The following GLIS3 variants were observed in gnomAD, a reference collection of about 807,000 sequenced individuals.
GLIS3 encodes GLIS family zinc finger 3.
A neutral mutation model predicts 78.6 loss-of-function variants in GLIS3; 53 were observed. The observed-to-expected ratio is 0.67, with a 90% confidence interval of 0.54 to 0.85. The LOEUF (loss-of-function observed/expected upper bound fraction) is 0.85. Ranked by LOEUF, GLIS3 falls within the 40% of genes least tolerant of loss-of-function variation. The pLI, the probability that GLIS3 is intolerant of heterozygous loss-of-function variation, is 0.00. For missense variants in GLIS3, 1,703 were observed against 1,231.1 expected (o/e 1.38, Z -5.74); for synonymous variants, 684 against 509.9 (o/e 1.34, Z -4.60).
chr9:3,953,858 C>T (rs1227913140), intron 4 of GLIS3, among the ~76,000 whole-genome samples: 4 of 145,796 alleles, frequency 2.7e-5, no homozygotes, highest in Non-Finnish European at 6.1e-5. Flanking sequence ...CACAGTCACA[C>T]ACACAAACAC....
intron 4 of GLIS3, among the ~76,000 whole-genome samples, chr9:3,952,744 A>G (rs1357910429): frequency 1.3e-5 from 2 of 152,204 alleles, no homozygotes; most frequent in African/African-American, 4.8e-5. Context: ...ATGGTATCCT[A>G]GCACAGTGCT....
chr9:4,106,984 T>G (rs1237527816), intron 4 of GLIS3, among the ~76,000 whole-genome samples: 1 of 152,038 alleles, frequency 6.6e-6, no homozygotes, highest in Non-Finnish European at 1.5e-5. Flanking sequence ...CAGTGGTGAT[T>G]GTATGGCAAT....
chr9:4,314,076 C>T (rs536620035), intron 2 of GLIS3, among the ~76,000 whole-genome samples: 35 of 152,254 alleles, frequency 2.3e-4, no homozygotes, highest in South Asian at 1.2e-3. Context: ...TGGTGTGACC[C>T]GGGGCAAGTA....
intron 4 of GLIS3, among the ~76,000 whole-genome samples, chr9:4,073,486 C>T (rs1339223410): frequency 6.6e-6 from 1 of 152,168 alleles, no homozygotes; most frequent in Non-Finnish European, 1.5e-5. Context: ...TGCATCTCCA[C>T]GCCCAGGCTT....
the GLIS3 span, among the ~76,000 whole-genome samples, chr9:4,395,043 A>G: frequency 6.6e-6 from 1 of 152,188 alleles, no homozygotes; most frequent in Non-Finnish European, 1.5e-5. Flanking sequence ...GAGTATCTAT[A>G]ATGGTGTACA....
chr9:3,843,188 C>G (rs1302410862), intron 9 of GLIS3, among the ~76,000 whole-genome samples: 1 of 152,226 alleles, frequency 6.6e-6, no homozygotes, highest in Non-Finnish European at 1.5e-5. Flanking sequence ...CACATTACAT[C>G]CGCTTTACTA....
chr9:4,276,660 G>C (rs922679399), intron 2 of GLIS3, among the ~76,000 whole-genome samples: 3 of 152,134 alleles, frequency 2.0e-5, no homozygotes, highest in African/African-American at 7.2e-5. Flanking sequence ...GGTACTAATG[G>C]AATAGATTCT....
intron 4 of GLIS3, among the ~76,000 whole-genome samples, chr9:3,980,928 T>C (rs1288264506): frequency 6.6e-6 from 1 of 152,184 alleles, no homozygotes; most frequent in Non-Finnish European, 1.5e-5. Context: ...CGTTCTGTAT[T>C]TACTACACGG....
chr9:4,486,944 T>C, the GLIS3 span, among the ~76,000 whole-genome samples: 1 of 152,208 alleles, frequency 6.6e-6, no homozygotes, highest in African/African-American at 2.4e-5. Context: ...GTGATACTTC[T>C]GCCTCAGCCT....
chr9:3,957,416 A>T (rs891417208), intron 4 of GLIS3, among the ~76,000 whole-genome samples: 5 of 152,222 alleles, frequency 3.3e-5, no homozygotes, highest in Non-Finnish European at 7.3e-5. Flanking sequence ...GAAGGCACTG[A>T]GCCTGCGTGT....
chr9:4,070,378 AAAG>A (rs1483999836), intron 4 of GLIS3, among the ~76,000 whole-genome samples: 1 of 152,202 alleles, frequency 6.6e-6, no homozygotes, highest in Non-Finnish European at 1.5e-5. Context: ...TTTGTTTGTT[AAAG>A]AAGGTCTCTC....
rs188544278 is a variant in GLIS3 at position 4,062,883 on chromosome 9, C to T, written c.1710+54885G>A. Among the ~76,000 whole-genome samples the T allele has an allele frequency of 2.6e-5, 4 of 151,384 alleles. No individual in the cohort carries two copies. The East Asian group carries it at 7.8e-4, about 29-fold the overall frequency. Reference sequence around the variant, plus strand: ...GGCGGAGCTTGCAGTGAGCTGAGATCATGCCACTACACTTCAGCCTGGGTG... The same window carrying T: ...GGCGGAGCTTGCAGTGAGCTGAGATTATGCCACTACACTTCAGCCTGGGTG... On this transcript the variant is annotated intron_variant, in intron 4 of 10. Transcript: ENST00000381971.
chr9:3,980,409 T>C (rs1819161298), intron 4 of GLIS3, among the ~76,000 whole-genome samples: 1 of 152,182 alleles, frequency 6.6e-6, no homozygotes, highest in Non-Finnish European at 1.5e-5. Flanking sequence ...CCAGAGTCCA[T>C]ATCTCTCTCC....
rs1469380808 is a variant in GLIS3 at position 3,824,243 on chromosome 9, C to T, written c.*4029G>A. 6.6e-6 allele frequency: 1 copy of T among 152,566 alleles called. No homozygotes were observed. Among genetic ancestry groups the T allele is most frequent in the Non-Finnish European group, 1.5e-5 (1 of 68,024 alleles). The allele number at this position is 152,566 out of a possible 1,614,324, so 9.5% of individuals were successfully genotyped here. A position where few individuals can be genotyped will look rare whatever the true frequency, so the allele number is the denominator to read the frequency against. On this transcript the variant is annotated 3_prime_UTR_variant, in exon 11 of 11. Coordinates refer to ENST00000381971, the MANE Select transcript of GLIS3 (RefSeq NM_001042413.2). ...CATTCATTTTTACTGCCATTTCCTC[C>T]TCATATCTATAATTAAATCCAGGCT... is the stretch of plus-strand genomic sequence containing the variant.
chr9:4,232,247 C>T lies in GLIS3; in HGVS notation c.388+53791G>A, dbSNP rs1423683259. ...TTTAAAAATTAGCCAGGCATGGTGG[C>T]ATGCACCTCTGTAGTACCAGCTATT... On this transcript the variant is annotated intron_variant, in intron 2 of 10. Transcript: ENST00000381971. 5.3e-5 allele frequency among the ~76,000 whole-genome samples: 8 copies of T among 151,826 alleles called. No homozygotes were observed. In the East Asian group the frequency reaches 1.4e-3, roughly 26 times the overall value.
intron 4 of GLIS3, among the ~76,000 whole-genome samples, chr9:4,058,906 C>T (rs1223608557): frequency 6.6e-6 from 1 of 151,360 alleles, no homozygotes; most frequent in Admixed American, 6.6e-5. Flanking sequence ...GGAATGAACC[C>T]AGGAGGTGGA....
At chr9:3,842,197 G>C (rs1020293465) in intron 9 of GLIS3, among the ~76,000 whole-genome samples, 1 of 152,122 alleles carries the variant, frequency 6.6e-6, no homozygotes, top group Non-Finnish European at 1.5e-5. Context: ...TCCCCAGCTG[G>C]GTGCGGTGGC....
the GLIS3 span, among the ~76,000 whole-genome samples, chr9:4,407,684 A>C: frequency 6.6e-6 from 1 of 152,180 alleles, no homozygotes; most frequent in Non-Finnish European, 1.5e-5. Flanking sequence ...AACATTGGAA[A>C]AACTATCCAG....
At chr9:3,904,021 A>C (rs1220087161) in intron 6 of GLIS3, among the ~76,000 whole-genome samples, 1 of 152,170 alleles carries the variant, frequency 6.6e-6, no homozygotes, top group Non-Finnish European at 1.5e-5. Flanking sequence ...GTACAATAGG[A>C]AACTCTTACA....
Sources: allele counts gnomAD v4.1 joint callset (sites outside exome capture counted in the v4.1 genomes callset), GRCh38; gene constraint gnomAD v4.1.1; transcripts MANE v1.5; gene names NCBI Gene and HGNC (gene_info 2026-07-23, HGNC 2026-07-21).